The following LRP1 variants were observed in gnomAD, a reference collection of about 807,000 sequenced individuals.
LRP1 encodes the protein LDL receptor related protein 1, also known as prolow-density lipoprotein receptor-related protein 1.
A neutral mutation model predicts 541.5 loss-of-function variants in LRP1; 51 were observed. That is an observed-to-expected ratio of 0.09 (90% CI 0.08 to 0.12). The LOEUF is 0.12. Among genes scored for constraint, LRP1 ranks in the 10% least tolerant of loss-of-function variants. The probability of loss-of-function intolerance (pLI) is 1.00; values close to 1 mark genes in which losing one functional copy is unlikely to be tolerated. For synonymous variants in LRP1, 2,219 were observed against 2,470.8 expected (o/e 0.90, Z 3.02); for missense variants, 3,878 against 6,376.2 (o/e 0.61, Z 13.34).
At chr12:57,143,867 C>T in intron 4 of LRP1, 69 bp downstream of exon 4, 1 of 1,524,678 alleles carries the variant, frequency 6.6e-7, no homozygotes, top group Non-Finnish European at 8.9e-7. Context: ...CAGGGAGGGG[C>T]AGAGAGGGGT....
chr12:57,175,399 G>A (rs1483746509), intron 22 of LRP1, 61 bp from the exon 23 acceptor site: 17 of 1,599,572 alleles, frequency 1.1e-5, no homozygotes, highest in Middle Eastern at 1.6e-4. Flanking sequence ...CAGCAGGGCC[G>A]TGGTCTTGCC....
chr12:57,191,189 G>A lies in LRP1; in HGVS notation c.7237-131G>A, dbSNP rs1479040324. The A allele has an allele frequency of 1.1e-5, 13 of 1,131,904 alleles. 1 individual carries two copies. The highest frequency in any genetic ancestry group is 2.6e-5 in the East Asian group (1 of 38,718). The allele number at this position is 1,131,904 out of a possible 1,614,324, so 70.1% of individuals were successfully genotyped here. A position where few individuals can be genotyped will look rare whatever the true frequency, so the allele number is the denominator to read the frequency against. Reference sequence around the variant, plus strand: ...CCAGCTTGCTCCTCATCAGCTAGACGAGGGAGATAGCAGGATGCCTCTGCG... The same window carrying A: ...CCAGCTTGCTCCTCATCAGCTAGACAAGGGAGATAGCAGGATGCCTCTGCG... On this transcript the variant is annotated intron_variant, in intron 43 of 88. Coordinates refer to ENST00000243077, the MANE Select transcript of LRP1 (RefSeq NM_002332.3).
chr12:57,159,319 T>G (rs917902134), intron 11 of LRP1, among the ~76,000 whole-genome samples: 1 of 152,082 alleles, frequency 6.6e-6, no homozygotes, highest in African/African-American at 2.4e-5. Context: ...TCACAAGACT[T>G]TGGGGAAATC....
In LRP1 at chr12:57,200,741, G is replaced by C; in HGVS notation, c.10151G>C (p.Gly3384Ala). The C allele has an allele frequency of 6.2e-7, 1 of 1,614,020 alleles. No individual in the cohort carries two copies. The highest frequency in any genetic ancestry group is 8.5e-7 in the Non-Finnish European group (1 of 1,180,014). ...CRPGQFQCST[G>A]ICTNPAFICD... The stretch of plus-strand genomic sequence containing the variant: ...CCCGGACAGTTCCAGTGCTCCACAG[G>C]TATCTGCACAAACCCTGCCTTCATC... Residue 3384 changes from glycine (G) to alanine (A), a missense_variant, in exon 64 of 89, where the codon GGT (glycine) becomes GCT (alanine). Coordinates refer to ENST00000243077, the MANE Select transcript of LRP1 (RefSeq NM_002332.3).
At chr12:57,129,100 C>T (rs1447451229) in intron 1 of LRP1, 69 bp downstream of exon 1, 3 of 1,452,358 alleles carry the variant, frequency 2.1e-6, no homozygotes, top group Admixed American at 2.0e-5. Context: ...CTCCTGCATA[C>T]GGATGGGGAA....
chr12:57,150,745 A>C (rs2035510701), intron 6 of LRP1, among the ~76,000 whole-genome samples: 1 of 152,226 alleles, frequency 6.6e-6, no homozygotes, highest in Admixed American at 6.5e-5. Flanking sequence ...CCTCATGCTA[A>C]GTGCAGTTAG....
chr12:57,137,582 G>C (rs1345207866), intron 1 of LRP1, among the ~76,000 whole-genome samples: 1 of 152,128 alleles, frequency 6.6e-6, no homozygotes, highest in East Asian at 1.9e-4. Context: ...GATCACCTGA[G>C]GTCAGGAGTT....
Position 57,205,376 on chromosome 12 carries a change from C to T in LRP1, c.11361C>T (p.Thr3787=), listed in dbSNP as rs1441339455. 11 of 1,608,702 alleles carry T rather than the reference C, an allele frequency of 6.8e-6. No individual in the cohort carries two copies. Among genetic ancestry groups the T allele is most frequent in the Middle Eastern group, 1.7e-4 (1 of 6,054 alleles). The change falls in exon 74 of 89, where the codon ACC becomes ACT. Residue 3787 remains threonine, a synonymous_variant. Transcript: ENST00000243077. This position sits in a 1 kb window ranked among gnomAD's most constrained non-coding sequence, Gnocchi z 4.6. ...ACCCCAAGCTGACCAGCTGCGCCACCAATGCCAGCATCTGTGGGGACGAGG... is the reference window on the plus strand; with the variant it reads ...ACCCCAAGCTGACCAGCTGCGCCACTAATGCCAGCATCTGTGGGGACGAGG... ...SIDPKLTSCA[T]NASICGDEAR...
At chr12:57,174,680 G>A (rs1344541406) in intron 22 of LRP1, among the ~76,000 whole-genome samples, 10 of 152,174 alleles carry the variant, frequency 6.6e-5, no homozygotes, top group East Asian at 5.8e-4. Context: ...CAGGAGACTC[G>A]CTTGAACCTG....
In LRP1 at chr12:57,185,325, C is replaced by T. The variant is rs2036247857; in HGVS notation, c.6463+120C>T. 1 of 1,436,756 alleles carries T rather than the reference C, an allele frequency of 7.0e-7. No individual in the cohort carries two copies. The highest frequency in any genetic ancestry group is 1.3e-5 in the South Asian group (1 of 75,216). 89.0% of individuals were successfully genotyped at this position (1,436,756 alleles called of 1,614,324 possible). On this transcript the variant is annotated intron_variant, in intron 40 of 88. Coordinates refer to ENST00000243077, the MANE Select transcript of LRP1 (RefSeq NM_002332.3). This position sits in a 1 kb window ranked among gnomAD's most constrained non-coding sequence, Gnocchi z 4.9. Reference sequence around the variant, plus strand: ...ACAAGTTAGACCCATGGGGCAACTTCCGATGGCCCGAGAGACCCAGGGATG... The same window carrying T: ...ACAAGTTAGACCCATGGGGCAACTTTCGATGGCCCGAGAGACCCAGGGATG...
intron 62 of LRP1, 170 bp downstream of exon 62, chr12:57,200,195 C>T (rs989163711): frequency 1.5e-6 from 1 of 647,516 alleles, no homozygotes; most frequent in Non-Finnish European, 2.7e-6. Flanking sequence ...TACTTTTACC[C>T]CCGTCACCTC....
chr12:57,197,595 C>T lies in LRP1; in HGVS notation c.9213C>T (p.Ile3071=), dbSNP rs2036563805. 2 of 1,613,990 alleles carry T rather than the reference C, an allele frequency of 1.2e-6. No homozygotes were observed. Among genetic ancestry groups the T allele is most frequent in the Non-Finnish European group, 1.7e-6 (2 of 1,180,028 alleles). Residue 3071 remains isoleucine (I), a synonymous_variant, in exon 58 of 89, where the codon ATC becomes ATT. Transcript: ENST00000243077. This position sits in a 1 kb window ranked among gnomAD's most constrained non-coding sequence, Gnocchi z 4.5. ...ATTTTGACTACCGAGAGCAGATGAT[C>T]TACTGGACAGATGTGACCACCCAGG... ...ALDFDYREQM[I]YWTDVTTQGS... is the part of the protein sequence containing the mutation.
At position 57,162,314 on chromosome 12, in the gene LRP1, T is replaced by C. The variant is rs763193418; in HGVS notation, c.2203-3T>C. On this transcript the variant is annotated splice_polypyrimidine_tract_variant and splice_region_variant and intron_variant, in intron 13 of 88. Coordinates refer to ENST00000243077, the MANE Select transcript of LRP1 (RefSeq NM_002332.3). The surrounding 1 kb of genome is among the most constrained non-coding windows in gnomAD (Gnocchi z 5.2). ...TCCTTAGTAACATCCTCTCCATCCC[T>C]AGATTGTGTATGAAGGTCCTGAGCT... The C allele has an allele frequency of 2.1e-5, 34 of 1,613,620 alleles. 1 individual carries two copies. The South Asian group carries it at 3.2e-4, about 15-fold the overall frequency.
intron 20 of LRP1, among the ~76,000 whole-genome samples, chr12:57,172,025 C>T (rs531326254): frequency 6.6e-6 from 1 of 151,974 alleles, no homozygotes; most frequent in Admixed American, 6.6e-5. Context: ...CCTCCCCTCC[C>T]CCTGCACTCT....
intron 1 of LRP1, among the ~76,000 whole-genome samples, chr12:57,131,247 C>G (rs1301155086): frequency 6.6e-6 from 1 of 152,188 alleles, no homozygotes; most frequent in Admixed American, 6.5e-5. Flanking sequence ...GCTTTCTCTT[C>G]TATGCCTGAA....
intron 20 of LRP1, among the ~76,000 whole-genome samples, chr12:57,171,332 T>C (rs2035940613): frequency 6.6e-6 from 1 of 152,132 alleles, no homozygotes; most frequent in African/African-American, 2.4e-5. Flanking sequence ...GTGTTTAGAC[T>C]GCAGGTAAAT....
At chr12:57,202,572 CTCCCAGG>C in intron 68 of LRP1, 35 bp downstream of exon 68, 1 of 1,479,810 alleles carries the variant, frequency 6.8e-7, no homozygotes, top group Non-Finnish European at 9.2e-7. Context: ...GCATGAGCCC[CTCCCAGG>C]CCTGGCCCTT....
chr12:57,145,540 G>T, intron 6 of LRP1, 50 bp downstream of exon 6: 1 of 1,594,664 alleles, frequency 6.3e-7, no homozygotes, highest in Non-Finnish European at 8.5e-7. Context: ...AGGGGAGACA[G>T]GGAAGGTGGA....
rs139368485 is a variant in LRP1 at position 57,163,401 on chromosome 12, A to G, written c.2530+418A>G. Among the ~76,000 whole-genome samples, 175 of 152,290 alleles carry G rather than the reference A, an allele frequency of 1.1e-3. 3 individuals carry two copies. Among genetic ancestry groups the G allele is most frequent in the African/African-American group, 4.0e-3 (165 of 41,556 alleles). On this transcript the variant is annotated intron_variant, in intron 15 of 88. Coordinates refer to ENST00000243077, the MANE Select transcript of LRP1 (RefSeq NM_002332.3). Reference sequence around the variant, plus strand: ...TAAGACCAGCCTGGTCAACAAGGCAAAACCCCATCTCTACTAAAAATACAA... The same window carrying G: ...TAAGACCAGCCTGGTCAACAAGGCAGAACCCCATCTCTACTAAAAATACAA...
Sources: allele counts gnomAD v4.1 joint callset (sites outside exome capture counted in the v4.1 genomes callset), GRCh38; gene constraint gnomAD v4.1.1; non-coding constraint Gnocchi (gnomAD v3.1); transcripts MANE v1.5; gene names NCBI Gene and HGNC (gene_info 2026-07-23, HGNC 2026-07-21).